The following CACNA2D3 variants were observed in gnomAD, a reference collection of about 807,000 sequenced individuals.
CACNA2D3 encodes calcium voltage-gated channel auxiliary subunit alpha2delta 3.
CACNA2D3 carries 60 observed loss-of-function variants against 160.6 expected under a neutral mutation model. That is an observed-to-expected ratio of 0.37 (90% CI 0.30 to 0.46). The LOEUF (loss-of-function observed/expected upper bound fraction) is 0.46, where lower values mean the gene tolerates loss of function less well. Among genes scored for constraint, CACNA2D3 ranks in the 20% least tolerant of loss-of-function variants. CACNA2D3 has a pLI of 1.00. For synonymous variants in CACNA2D3, 558 were observed against 492.9 expected (o/e 1.13, Z -1.75); for missense variants, 1,205 against 1,365.0 (o/e 0.88, Z 1.85).
At chr3:54,123,311 C>CT in intron 1 of CACNA2D3, 2 of 587,622 alleles carry the variant, frequency 3.4e-6, no homozygotes, top group South Asian at 4.4e-5. Flanking sequence ...CCGCGACCCC[C>CT]CTCGGGCCCC....
chr3:54,228,139 G>A (rs1701707728), intron 2 of CACNA2D3, among the ~76,000 whole-genome samples: 1 of 152,142 alleles, frequency 6.6e-6, no homozygotes, highest in Admixed American at 6.5e-5. Flanking sequence ...TTAGACACTA[G>A]GGACAGTAGA....
intron 34 of CACNA2D3, among the ~76,000 whole-genome samples, chr3:55,013,429 A>G (rs1438360857): frequency 2.0e-5 from 3 of 152,210 alleles, no homozygotes; most frequent in African/African-American, 7.2e-5. Context: ...AAAACAAGCA[A>G]AGGTGAATTC....
chr3:54,416,675 T>C (rs1392693777), intron 4 of CACNA2D3, among the ~76,000 whole-genome samples: 1 of 152,216 alleles, frequency 6.6e-6, no homozygotes, highest in Non-Finnish European at 1.5e-5. Flanking sequence ...CAGGAGACCA[T>C]TAGTGAAACA....
At chr3:54,447,969 C>T (rs1238352773) in intron 4 of CACNA2D3, among the ~76,000 whole-genome samples, 1 of 152,114 alleles carries the variant, frequency 6.6e-6, no homozygotes, top group Admixed American at 6.6e-5. Flanking sequence ...TGGGAAGTGA[C>T]AGAAAACTCC....
chr3:54,290,841 T>G (rs1321444282), intron 2 of CACNA2D3, among the ~76,000 whole-genome samples: 1 of 151,182 alleles, frequency 6.6e-6, no homozygotes, highest in Non-Finnish European at 1.5e-5. Context: ...TTCTCACTCA[T>G]AGGTGGCAAT....
intron 2 of CACNA2D3, among the ~76,000 whole-genome samples, chr3:54,279,984 C>T (rs1702833725): frequency 6.6e-6 from 1 of 152,206 alleles, no homozygotes; most frequent in Non-Finnish European, 1.5e-5. Context: ...CTAGTTCCAC[C>T]TGTAGAGAAT....
intron 5 of CACNA2D3, among the ~76,000 whole-genome samples, chr3:54,505,558 A>G (rs1319824104): frequency 6.6e-6 from 1 of 152,166 alleles, no homozygotes; most frequent in Non-Finnish European, 1.5e-5. Flanking sequence ...AGTTCTCTAG[A>G]ATGATCCTGT....
chr3:54,689,874 C>G (rs1233565519), intron 11 of CACNA2D3, among the ~76,000 whole-genome samples: 7 of 152,104 alleles, frequency 4.6e-5, no homozygotes, highest in Non-Finnish European at 7.4e-5. Context: ...CATGTTAGCT[C>G]ATGTTTCTCC....
chr3:54,774,629 ATTTTTTTTT>A (rs111655457), intron 13 of CACNA2D3, among the ~76,000 whole-genome samples: 12 of 107,896 alleles, frequency 1.1e-4, no homozygotes, highest in East Asian at 2.6e-4. Context: ...CTCTTTGACT[ATTTTTTTTT>A]TTTTTTTTTT....
At chr3:54,140,968 G>A (rs1018616804) in intron 2 of CACNA2D3, among the ~76,000 whole-genome samples, 2 of 152,098 alleles carry the variant, frequency 1.3e-5, no homozygotes, top group Non-Finnish European at 2.9e-5. Context: ...CTGGTCCTCA[G>A]CCATGACTAT....
chr3:55,071,248 GCAAA>G (rs1459616911), intron 35 of CACNA2D3, among the ~76,000 whole-genome samples: 1 of 151,696 alleles, frequency 6.6e-6, no homozygotes, highest in Non-Finnish European at 1.5e-5. Flanking sequence ...AGTGTTTGTG[GCAAA>G]CAAACATCAT....
intron 11 of CACNA2D3, among the ~76,000 whole-genome samples, chr3:54,747,319 C>G (rs946178071): frequency 6.6e-6 from 1 of 152,138 alleles, no homozygotes; most frequent in South Asian, 2.1e-4. Context: ...TTTGAGGACT[C>G]TCACTGCCCT....
intron 9 of CACNA2D3, among the ~76,000 whole-genome samples, chr3:54,605,182 A>G (rs616788): frequency 0.31 from 46,965 of 151,996 alleles, 8,577 homozygotes; most frequent in African/African-American, 0.49. Context: ...GTCATATTGC[A>G]TTAGGGGTCC....
intron 6 of CACNA2D3, among the ~76,000 whole-genome samples, chr3:54,566,871 C>A (rs1417137374): frequency 5.3e-5 from 8 of 152,160 alleles, no homozygotes; most frequent in African/African-American, 1.4e-4. Flanking sequence ...AAAGAGTTCT[C>A]CATAAGTTTG....
At chr3:54,761,255 C>T (rs1702075038) in intron 12 of CACNA2D3, among the ~76,000 whole-genome samples, 1 of 152,140 alleles carries the variant, frequency 6.6e-6, no homozygotes, top group Non-Finnish European at 1.5e-5. Context: ...AGCACAGGCA[C>T]CTAAACAGAA....
chr3:54,787,502 A>T (rs1050937190), intron 13 of CACNA2D3, among the ~76,000 whole-genome samples: 3 of 152,238 alleles, frequency 2.0e-5, no homozygotes, highest in Non-Finnish European at 2.9e-5. Flanking sequence ...AAGCTGATTA[A>T]TTAAACTGAC....
intron 2 of CACNA2D3, among the ~76,000 whole-genome samples, chr3:54,198,062 C>T (rs1033989713): frequency 6.6e-6 from 1 of 152,214 alleles, no homozygotes; most frequent in African/African-American, 2.4e-5. Context: ...AGTCAGAGGC[C>T]AGACTGCTGC....
chr3:54,327,714 A>G (rs1449674265), intron 3 of CACNA2D3, among the ~76,000 whole-genome samples: 2 of 152,228 alleles, frequency 1.3e-5, no homozygotes, highest in Non-Finnish European at 2.9e-5. Flanking sequence ...AGATCACAGC[A>G]TGAAGAAATA....
chr3:55,000,467 C>A (rs1245797323), intron 31 of CACNA2D3, among the ~76,000 whole-genome samples: 2 of 152,184 alleles, frequency 1.3e-5, no homozygotes, highest in African/African-American at 4.8e-5. Flanking sequence ...GGCTTAAAAC[C>A]TAGATGATGG....
Sources: allele counts gnomAD v4.1 joint callset (sites outside exome capture counted in the v4.1 genomes callset), GRCh38; gene constraint gnomAD v4.1.1; transcripts MANE v1.5; gene names NCBI Gene and HGNC (gene_info 2026-07-23, HGNC 2026-07-21).